VIT: variants seen among roughly 807,000 people sequenced by gnomAD.
VIT encodes vitrin.
Under a neutral mutation model 78.0 loss-of-function variants are expected in VIT, and 99 were observed. The ratio of observed to expected loss-of-function variants is 1.27; its 90% CI spans 1.08 to 1.50. VIT has a LOEUF of 1.50. Ranked by LOEUF, VIT falls within the 40% of genes most tolerant of loss-of-function variation. The pLI is 0.00. For missense variants in VIT, 1,126 were observed against 875.3 expected, an observed-to-expected ratio of 1.29 and a Z score of -3.61; for synonymous variants, 374 against 334.3, an observed-to-expected ratio of 1.12 and a Z score of -1.29.
In VIT at chr2:36,753,956, T is replaced by C. The variant is rs541910402; in HGVS notation, c.276-965T>C. Among the ~76,000 whole-genome samples, 17 of 152,274 alleles carry C rather than the reference T, an allele frequency of 1.1e-4. No individual in the cohort carries two copies. The South Asian group carries it at 3.5e-3, about 32-fold the overall frequency. On this transcript the variant is annotated intron_variant, in intron 4 of 15. Transcript: ENST00000379242. ...AAAATCCCAGGTGAGTCCTGCAACC[T>C]CACACAGCCTGTTTCTATGGAATGA...
chr2:36,790,565 C>G (rs972868386), intron 12 of VIT, among the ~76,000 whole-genome samples: 1 of 152,206 alleles, frequency 6.6e-6, no homozygotes, highest in Non-Finnish European at 1.5e-5. Flanking sequence ...TCATCACACG[C>G]CTCCAGGAAT....
intron 14 of VIT, among the ~76,000 whole-genome samples, chr2:36,805,987 C>G (rs1183658983): frequency 6.6e-6 from 1 of 151,972 alleles, no homozygotes; most frequent in African/African-American, 2.4e-5. Flanking sequence ...AACATACTCT[C>G]TCTCTCTCTC....
At chr2:36,716,558 A>T (rs1050792250) in intron 2 of VIT, 136 bp downstream of exon 2, 1 of 731,998 alleles carries the variant, frequency 1.4e-6, no homozygotes, top group Non-Finnish European at 2.2e-6. Context: ...AAACATTTTG[A>T]AGAGATGTTT....
At chr2:36,701,671 G>C (rs906800933) in intron 1 of VIT, among the ~76,000 whole-genome samples, 2 of 152,152 alleles carry the variant, frequency 1.3e-5, no homozygotes, top group African/African-American at 4.8e-5. Flanking sequence ...TAGTTTCCAA[G>C]GGATCAGGTC....
At chr2:36,716,568 TTAAG>T (rs1666149391) in intron 2 of VIT, 146 bp downstream of exon 2, 8 of 709,678 alleles carry the variant, frequency 1.1e-5, no homozygotes, top group Non-Finnish European at 1.9e-5. Flanking sequence ...AAGAGATGTT[TTAAG>T]TAAGAATGTT....
intron 12 of VIT, among the ~76,000 whole-genome samples, chr2:36,798,929 G>T (rs987859789): frequency 6.6e-6 from 1 of 152,170 alleles, no homozygotes; most frequent in African/African-American, 2.4e-5. Flanking sequence ...TTGATAGGAA[G>T]GTCACGCCCA....
At chr2:36,708,853 T>C (rs1408364571) in intron 1 of VIT, among the ~76,000 whole-genome samples, 1 of 152,128 alleles carries the variant, frequency 6.6e-6, no homozygotes, top group Non-Finnish European at 1.5e-5. Flanking sequence ...CCTGGAAAGC[T>C]TTAAAACAAT....
intron 2 of VIT, 63 bp downstream of exon 2, chr2:36,716,485 T>C (rs1258865300): frequency 2.0e-6 from 3 of 1,524,832 alleles, no homozygotes; most frequent in Admixed American, 1.7e-5. Flanking sequence ...CCAAAGAATC[T>C]AGCCAAGAAA....
intron 7 of VIT, among the ~76,000 whole-genome samples, chr2:36,767,690 T>C (rs1669517395): frequency 6.6e-6 from 1 of 152,190 alleles, no homozygotes. Context: ...TCAGCTAATG[T>C]TTTTGTTCCT....
At chr2:36,731,323 G>C (rs1667194438) in intron 3 of VIT, among the ~76,000 whole-genome samples, 1 of 151,938 alleles carries the variant, frequency 6.6e-6, no homozygotes, top group African/African-American at 2.4e-5. Flanking sequence ...CGCCAGGCTG[G>C]AGTGCAGTGG....
At chr2:36,709,225 T>C (rs1665649985) in intron 1 of VIT, among the ~76,000 whole-genome samples, 1 of 152,180 alleles carries the variant, frequency 6.6e-6, no homozygotes, top group African/African-American at 2.4e-5. Flanking sequence ...TAAGTGCACG[T>C]ACTATGAAAC....
chr2:36,771,787 T>C (rs1669775494), intron 7 of VIT, among the ~76,000 whole-genome samples: 1 of 152,166 alleles, frequency 6.6e-6, no homozygotes, highest in African/African-American at 2.4e-5. Context: ...TATTTATCAC[T>C]AGAAGAATGG....
intron 1 of VIT, among the ~76,000 whole-genome samples, chr2:36,711,598 A>G (rs747014509): frequency 6.6e-6 from 1 of 152,208 alleles, no homozygotes; most frequent in Non-Finnish European, 1.5e-5. Context: ...GTGAAGAACA[A>G]GTTTGTATTT....
At chr2:36,763,265 G>T (rs1165985738) in intron 6 of VIT, among the ~76,000 whole-genome samples, 3 of 152,282 alleles carry the variant, frequency 2.0e-5, no homozygotes, top group East Asian at 3.9e-4. Flanking sequence ...GATGAGCCAG[G>T]TGTGGGGAGT....
rs569667027 is a variant in VIT, at chr2:36,803,006, T to G, written c.1162+1602T>G. On this transcript the variant is annotated intron_variant, in intron 13 of 15. Coordinates refer to ENST00000379242, the MANE Select transcript of VIT (RefSeq NM_053276.4). The stretch of plus-strand genomic sequence containing the variant: ...AAGATTAGGAAATCACTTTCTGAAT[T>G]TTGCCATGGCAACCTCTTCAGAAAC... Among the ~76,000 whole-genome samples the G allele has an allele frequency of 1.6e-4, 25 of 152,302 alleles. No individual in the cohort carries two copies. In the South Asian group the frequency reaches 5.0e-3, roughly 30 times the overall value.
At chr2:36,790,647 T>G (rs1170490339) in intron 12 of VIT, among the ~76,000 whole-genome samples, 1 of 152,200 alleles carries the variant, frequency 6.6e-6, no homozygotes, top group African/African-American at 2.4e-5. Flanking sequence ...AATGCATGAC[T>G]GGGGCAGAGG....
intron 3 of VIT, among the ~76,000 whole-genome samples, chr2:36,734,801 G>GC (rs1010119895): frequency 6.6e-6 from 1 of 151,916 alleles, no homozygotes; most frequent in African/African-American, 2.4e-5. Context: ...GGGCTCCAGT[G>GC]CCCCCCATGG....
At chr2:36,777,027 T>C (rs1299183728) in intron 9 of VIT, among the ~76,000 whole-genome samples, 1 of 146,420 alleles carries the variant, frequency 6.8e-6, no homozygotes, top group African/African-American at 2.4e-5. Context: ...AGGCGGAGCT[T>C]GCAGTGAGCC....
intron 4 of VIT, among the ~76,000 whole-genome samples, chr2:36,752,174 T>G (rs1254470647): frequency 1.3e-5 from 2 of 152,180 alleles, no homozygotes; most frequent in East Asian, 3.8e-4. Flanking sequence ...ATGAACATAT[T>G]TGAGGCATCA....
Sources: gnomAD v4.1 joint callset for allele counts (sites outside exome capture counted in the v4.1 genomes callset) on GRCh38, gnomAD v4.1.1 for gene constraint, MANE v1.5 for transcripts, NCBI Gene and HGNC (gene_info 2026-07-23, HGNC 2026-07-21) for gene names.